Variants in SHOC1 observed in about 807,000 individuals in gnomAD.
SHOC1 encodes the protein shortage in chiasmata 1.
A neutral mutation model predicts 179.2 loss-of-function variants in SHOC1; 136 were observed. The observed-to-expected ratio is 0.76, with a 90% confidence interval of 0.66 to 0.87. The LOEUF is 0.87. Among genes scored for constraint, SHOC1 ranks in the 40% least tolerant of loss-of-function variants. The probability of loss-of-function intolerance (pLI) is 0.00; values close to 1 mark genes in which losing one functional copy is unlikely to be tolerated. For missense variants in SHOC1, 1,538 were observed against 1,700.8 expected, an observed-to-expected ratio of 0.90 and a Z score of 1.68; for synonymous variants, 489 against 586.6, an observed-to-expected ratio of 0.83 and a Z score of 2.41.
chr9:111,742,693 A>C (rs1834099205), intron 10 of SHOC1, among the ~76,000 whole-genome samples: 1 of 152,146 alleles, frequency 6.6e-6, no homozygotes, highest in Admixed American at 6.5e-5. Flanking sequence ...TGCTAATTAT[A>C]AGTATTGCCA....
chr9:111,769,292 C>T (rs1270887745), intron 5 of SHOC1, among the ~76,000 whole-genome samples: 1 of 152,014 alleles, frequency 6.6e-6, no homozygotes, highest in Non-Finnish European at 1.5e-5. Context: ...GGAAATACTC[C>T]CTCCTCTTCA....
intron 24 of SHOC1, among the ~76,000 whole-genome samples, chr9:111,698,997 A>AAT (rs1483738769): frequency 6.6e-6 from 1 of 152,162 alleles, no homozygotes; most frequent in African/African-American, 2.4e-5. Flanking sequence ...AGGTTCCAGG[A>AAT]ATAAAAAAAA....
chr9:111,753,678 T>C (rs1834712165), intron 8 of SHOC1, among the ~76,000 whole-genome samples: 1 of 152,134 alleles, frequency 6.6e-6, no homozygotes, highest in Admixed American at 6.6e-5. Context: ...ATAAATGTGA[T>C]ACACTACATT....
intron 12 of SHOC1, 121 bp downstream of exon 12, chr9:111,738,159 A>G: frequency 3.7e-6 from 3 of 804,612 alleles, no homozygotes; most frequent in Middle Eastern, 3.7e-4. Flanking sequence ...TGGCAGAGCC[A>G]GGGCCTATAT....
intron 9 of SHOC1, 128 bp downstream of exon 9, chr9:111,747,964 A>G (rs1186137232): frequency 3.6e-6 from 2 of 548,196 alleles, no homozygotes; most frequent in African/African-American, 3.8e-5. Context: ...AAAAAATGAC[A>G]GGATTATAAC....
intron 1 of SHOC1, among the ~76,000 whole-genome samples, chr9:111,791,818 A>G (rs558137756): frequency 3.5e-5 from 5 of 144,256 alleles, no homozygotes; most frequent in African/African-American, 1.3e-4. Flanking sequence ...GAATAACCAT[A>G]TTTCTCAAGT....
chr9:111,695,291 T>G (rs1001035735), intron 24 of SHOC1, among the ~76,000 whole-genome samples: 6 of 152,140 alleles, frequency 3.9e-5, no homozygotes, highest in African/African-American at 1.4e-4. Flanking sequence ...TAATTATGAC[T>G]TTTTTTCTTT....
At chr9:111,770,662 C>T (rs2131604052) in intron 5 of SHOC1, among the ~76,000 whole-genome samples, 1 of 152,212 alleles carries the variant, frequency 6.6e-6, no homozygotes, top group South Asian at 2.1e-4. Context: ...TATTATATTG[C>T]AGTCTACCCT....
chr9:111,713,245 TAAC>T (rs1455819237), intron 17 of SHOC1, 73 bp from the exon 18 acceptor site: 4 of 734,870 alleles, frequency 5.4e-6, no homozygotes, highest in Admixed American at 3.2e-5. Context: ...AGTGACAAAA[TAAC>T]AAACTTTAAT....
chr9:111,740,730 C>T (rs916916296), intron 11 of SHOC1, among the ~76,000 whole-genome samples: 1 of 152,152 alleles, frequency 6.6e-6, no homozygotes, highest in African/African-American at 2.4e-5. Context: ...CACCACCATG[C>T]TCAGCTAATT....
chr9:111,686,612 A>C lies in SHOC1; in HGVS notation c.*158T>G. ...TTTAACTTACAAAGATGCAAACCAT[A>C]GGGCAGAATACATATTATGAATATT... On this transcript the variant is annotated 3_prime_UTR_variant, in exon 28 of 28. Coordinates refer to ENST00000682961, the MANE Select transcript of SHOC1 (RefSeq NM_001378211.1). 1 of 532,892 alleles carries C rather than the reference A, an allele frequency of 1.9e-6. No individual in the cohort carries two copies. The highest frequency in any genetic ancestry group is 3.4e-6 in the Non-Finnish European group (1 of 297,098). The allele number at this position is 532,892 out of a possible 1,614,324, so 33.0% of individuals were successfully genotyped here.
rs576253880 is a variant in SHOC1 at position 111,758,589 on chromosome 9, A to G, written c.596+106T>C. On this transcript the variant is annotated intron_variant, in intron 6 of 27. Coordinates refer to ENST00000682961, the MANE Select transcript of SHOC1 (RefSeq NM_001378211.1). ...GGGCGACAGAGCAAGACTCATCTCA[A>G]AACAAAACAAAAAAAAACATTGTTG... 4 of 1,174,376 alleles carry G rather than the reference A, an allele frequency of 3.4e-6. No individual in the cohort carries two copies. The East Asian group carries it at 1.0e-4, about 30-fold the overall frequency. 72.7% of individuals were successfully genotyped at this position (1,174,376 alleles called of 1,614,324 possible).
At chr9:111,727,539 T>C in intron 13 of SHOC1, 94 bp downstream of exon 13, 2 of 1,119,578 alleles carry the variant, frequency 1.8e-6, no homozygotes, top group South Asian at 4.4e-5. Flanking sequence ...TAATTTTATC[T>C]AGAAGAACTT....
At chr9:111,708,601 G>A (rs1477681329) in intron 18 of SHOC1, among the ~76,000 whole-genome samples, 2 of 152,066 alleles carry the variant, frequency 1.3e-5, no homozygotes, top group Non-Finnish European at 2.9e-5. Context: ...TTGTTCTCTA[G>A]CCAAAAATTT....
At chr9:111,744,639 C>T (rs1178270816) in intron 10 of SHOC1, among the ~76,000 whole-genome samples, 1 of 152,120 alleles carries the variant, frequency 6.6e-6, no homozygotes, top group Non-Finnish European at 1.5e-5. Context: ...AGTTTCCAGT[C>T]CTGGAATAAT....
chr9:111,758,880 GA>G (rs1369802546), intron 5 of SHOC1, 32 bp from the exon 6 acceptor site: 1 of 1,293,224 alleles, frequency 7.7e-7, no homozygotes, highest in Non-Finnish European at 1.1e-6. Flanking sequence ...AAAGGAATAA[GA>G]AAAAAACAAA....
Position 111,756,304 on chromosome 9 carries a change from C to T in SHOC1, c.862+21G>A, listed in dbSNP as rs753548227. 32 of 1,558,640 alleles carry T rather than the reference C, an allele frequency of 2.1e-5. 1 individual carries two copies. In the South Asian group the frequency reaches 3.8e-4, roughly 18 times the overall value. On this transcript the variant is annotated intron_variant, in intron 8 of 27. Coordinates refer to ENST00000682961, the MANE Select transcript of SHOC1 (RefSeq NM_001378211.1). ...TCTTAAGTGGTTTTTACAAGTAATA[C>T]ATTTTACAATTAATTCTCACCTCTT... is the stretch of plus-strand genomic sequence containing the variant.
intron 9 of SHOC1, among the ~76,000 whole-genome samples, chr9:111,747,865 G>A (rs573170587): frequency 4.6e-5 from 7 of 152,128 alleles, no homozygotes; most frequent in Non-Finnish European, 8.8e-5. Flanking sequence ...GATTACAGGC[G>A]TGAACCACCG....
chr9:111,778,770 C>CAAA (rs11295075), intron 4 of SHOC1, among the ~76,000 whole-genome samples: 4,643 of 73,932 alleles, frequency 0.063, 171 homozygotes, highest in South Asian at 0.14. Context: ...GACTCTGTCT[C>CAAA]AAAAAAAAAA....
Sources: allele counts gnomAD v4.1 joint callset (sites outside exome capture counted in the v4.1 genomes callset), GRCh38; gene constraint gnomAD v4.1.1; transcripts MANE v1.5; gene names NCBI Gene and HGNC (gene_info 2026-07-23, HGNC 2026-07-21).